DYNC1I1: variants seen among roughly 807,000 people sequenced by gnomAD.
The protein encoded by DYNC1I1 is dynein cytoplasmic 1 intermediate chain 1.
Under a neutral mutation model 86.6 loss-of-function variants are expected in DYNC1I1, and 43 were observed. The ratio of observed to expected loss-of-function variants is 0.50; its 90% confidence interval spans 0.39 to 0.64. The LOEUF (loss-of-function observed/expected upper bound fraction) is 0.64. Among genes scored for constraint, DYNC1I1 ranks in the 30% least tolerant of loss-of-function variants. The pLI, the probability that DYNC1I1 is intolerant of heterozygous loss-of-function variation, is 0.00. For synonymous variants in DYNC1I1, 262 were observed against 283.7 expected, an observed-to-expected ratio of 0.92 and a Z score of 0.77; for missense variants, 604 against 788.8, an observed-to-expected ratio of 0.77 and a Z score of 2.81.
At chr7:96,098,961 A>G (rs1791086469), downstream of DYNC1I1, among the ~76,000 whole-genome samples, 1 of 152,280 alleles carries the variant, frequency 6.6e-6, no homozygotes, top group Middle Eastern at 3.4e-3. Flanking sequence ...GGTTTCTTTT[A>G]TTTTTAAAAT....
chr7:96,095,369 C>A (rs183475105), intron 16 of DYNC1I1, among the ~76,000 whole-genome samples: 1 of 152,152 alleles, frequency 6.6e-6, no homozygotes, highest in East Asian at 1.9e-4. Flanking sequence ...TGTTAATAGT[C>A]TATAGTTTCT....
chr7:96,006,676 A>G (rs927057949), intron 10 of DYNC1I1, among the ~76,000 whole-genome samples: 1 of 152,190 alleles, frequency 6.6e-6, no homozygotes, highest in East Asian at 1.9e-4. Flanking sequence ...ACTAAAGAAG[A>G]TCAGGATAAT....
intron 4 of DYNC1I1, among the ~76,000 whole-genome samples, chr7:95,823,986 G>C (rs28718149): frequency 1.7e-5 from 1 of 59,860 alleles, no homozygotes; most frequent in Non-Finnish European, 2.9e-5. Flanking sequence ...ATATGTTTTG[G>C]TTTTTTGTTT....
At chr7:95,883,229 T>A (rs542433681) in intron 6 of DYNC1I1, among the ~76,000 whole-genome samples, 1 of 152,348 alleles carries the variant, frequency 6.6e-6, no homozygotes, top group African/African-American at 2.4e-5. Flanking sequence ...CAATTGCTCA[T>A]TTGTGAACTT....
At chr7:95,863,729 G>A (rs1301321006) in intron 5 of DYNC1I1, among the ~76,000 whole-genome samples, 1 of 152,138 alleles carries the variant, frequency 6.6e-6, no homozygotes, top group Non-Finnish European at 1.5e-5. Flanking sequence ...GCACAAAACA[G>A]TGCCTCTCCT....
intron 14 of DYNC1I1, among the ~76,000 whole-genome samples, chr7:96,061,096 A>G (rs1239325180): frequency 6.6e-6 from 1 of 152,342 alleles, no homozygotes; most frequent in Non-Finnish European, 1.5e-5. Context: ...AAGAGCAGAA[A>G]GCAGTGTGAA....
chr7:96,028,424 A>G, intron 11 of DYNC1I1, 103 bp downstream of exon 11: 4 of 1,424,314 alleles, frequency 2.8e-6, no homozygotes, highest in Non-Finnish European at 3.7e-6. Flanking sequence ...CCAAGTTAGG[A>G]GGATCTACTT....
intron 5 of DYNC1I1, 133 bp from the exon 6 acceptor site, chr7:95,869,750 A>G: frequency 1.1e-6 from 1 of 870,814 alleles, no homozygotes; most frequent in Non-Finnish European, 1.8e-6. Context: ...GTTCTGCTTC[A>G]TGACCCTGCC....
chr7:96,023,122 C>G (rs936784021), intron 10 of DYNC1I1, among the ~76,000 whole-genome samples: 2 of 152,092 alleles, frequency 1.3e-5, no homozygotes, highest in Non-Finnish European at 2.9e-5. Flanking sequence ...TACTAGTTCA[C>G]TAGTAGCTAG....
rs563883968 is a variant in DYNC1I1 at position 95,944,920 on chromosome 7, GC to G, written c.491-32591del. On this transcript the variant is annotated intron_variant, in intron 6 of 16. Coordinates refer to ENST00000447467, the MANE Select transcript of DYNC1I1 (RefSeq NM_001135556.2). ...GATAGTTTTAGGAGATATACCTAATGCTAAATGACGAGTTAATGGGTGCAGC... is the reference window on the plus strand; with the variant it reads ...GATAGTTTTAGGAGATATACCTAATGTAAATGACGAGTTAATGGGTGCAGC... Among the ~76,000 whole-genome samples the G allele has an allele frequency of 8.9e-3, 1,356 of 151,628 alleles. 16 individuals are homozygous for G. The highest frequency in any genetic ancestry group is 0.031 in the African/African-American group (1,296 of 41,236).
chr7:96,052,382 G>A (rs1030250017), intron 14 of DYNC1I1, among the ~76,000 whole-genome samples: 4 of 152,072 alleles, frequency 2.6e-5, no homozygotes, highest in African/African-American at 9.7e-5. Context: ...CATTCAAGCA[G>A]AATGAACAGA....
chr7:95,835,916 C>A (rs1276669582), intron 5 of DYNC1I1, among the ~76,000 whole-genome samples: 5 of 152,162 alleles, frequency 3.3e-5, no homozygotes, highest in African/African-American at 4.8e-5. Context: ...TGGGTCTTGA[C>A]TCTTTATCCA....
chr7:95,963,874 C>T (rs1422700873), intron 6 of DYNC1I1, among the ~76,000 whole-genome samples: 3 of 152,160 alleles, frequency 2.0e-5, no homozygotes, highest in African/African-American at 7.2e-5. Context: ...CTGACCACAA[C>T]TGAGAGTTGT....
At chr7:95,989,289 G>A (rs965750259) in intron 9 of DYNC1I1, among the ~76,000 whole-genome samples, 5 of 152,218 alleles carry the variant, frequency 3.3e-5, no homozygotes, top group African/African-American at 1.2e-4. Context: ...TAAAGTGGGT[G>A]AATGTTCTCT....
chr7:95,995,248 A>AT (rs1312063668), intron 9 of DYNC1I1, among the ~76,000 whole-genome samples: 61 of 135,716 alleles, frequency 4.5e-4, no homozygotes, highest in Admixed American at 2.1e-3. Flanking sequence ...CTCCATCTCA[A>AT]AAAATAAATA....
chr7:95,879,038 A>G (rs1056080481), intron 6 of DYNC1I1, among the ~76,000 whole-genome samples: 4 of 152,124 alleles, frequency 2.6e-5, no homozygotes, highest in Non-Finnish European at 5.9e-5. Flanking sequence ...ACATTCACAG[A>G]TAATCATTGA....
chr7:95,809,632 A>C, intron 2 of DYNC1I1, among the ~76,000 whole-genome samples: 1 of 152,180 alleles, frequency 6.6e-6, no homozygotes, highest in East Asian at 1.9e-4. Flanking sequence ...TTTGTCACTG[A>C]TCTGTAAAAA....
At chr7:95,774,097 C>T (rs529246659) in intron 1 of DYNC1I1, among the ~76,000 whole-genome samples, 8 of 152,316 alleles carry the variant, frequency 5.3e-5, no homozygotes, top group African/African-American at 1.9e-4. Flanking sequence ...CACATGTTCT[C>T]TTCATAAGAA....
chr7:96,036,050 T>G (rs750175906), intron 13 of DYNC1I1, among the ~76,000 whole-genome samples: 1 of 152,208 alleles, frequency 6.6e-6, no homozygotes, highest in Non-Finnish European at 1.5e-5. Flanking sequence ...CATGTGCCCA[T>G]CAGAGATAAC....
Sources: allele counts gnomAD v4.1 joint callset (sites outside exome capture counted in the v4.1 genomes callset), GRCh38; gene constraint gnomAD v4.1.1; transcripts MANE v1.5; gene names NCBI Gene and HGNC (gene_info 2026-07-23, HGNC 2026-07-21).